The following MPRIP variants were observed in gnomAD, a reference collection of about 807,000 sequenced individuals.
MPRIP encodes the protein myosin phosphatase Rho interacting protein.
MPRIP carries 59 observed loss-of-function variants against 234.9 expected under a neutral mutation model. That is an observed-to-expected ratio of 0.25 (90% CI 0.20 to 0.31). The LOEUF (loss-of-function observed/expected upper bound fraction) is 0.31, where lower values mean the gene tolerates loss of function less well. MPRIP is among the 10% of genes least tolerant of loss of function. The pLI is 1.00. For missense variants in MPRIP, 2,436 were observed against 3,071.0 expected (o/e 0.79, Z 4.89); for synonymous variants, 1,144 against 1,263.9 (o/e 0.91, Z 2.01).
In MPRIP at chr17:17,154,354, C is replaced by CGGA. The variant is rs2045680243; in HGVS notation, c.1769_1771dup (p.Arg590dup). On this transcript the variant is annotated inframe_insertion, in exon 13 of 24. Transcript: ENST00000651222. ...GTCGGCCATGACATCTGGGATTCGG[C>CGGA]GGAACTGGATCCAGACCATCATGAA... 6.2e-7 allele frequency: 1 copy of CGGA among 1,614,048 alleles called. No individual in the cohort carries two copies. The highest frequency in any genetic ancestry group is 1.3e-5 in the African/African-American group (1 of 74,918).
At chr17:17,083,044 G>T (rs1478968868) in intron 3 of MPRIP, among the ~76,000 whole-genome samples, 1 of 152,242 alleles carries the variant, frequency 6.6e-6, no homozygotes, top group Admixed American at 6.5e-5. Context: ...TCTGTGGCAG[G>T]CATGGTGCTG....
intron 1 of MPRIP, chr17:17,057,718 G>C: frequency 1.4e-6 from 1 of 717,902 alleles, no homozygotes; most frequent in Admixed American, 2.0e-5. Flanking sequence ...ACAGGAAGAG[G>C]AATGGCATCA....
At chr17:17,066,479 T>A (rs1567691932) in intron 1 of MPRIP, among the ~76,000 whole-genome samples, 1 of 152,226 alleles carries the variant, frequency 6.6e-6, no homozygotes. Context: ...ATCCCTGGAA[T>A]AAACCCCCTT....
chr17:17,080,728 CAG>C (rs773636801), intron 3 of MPRIP, among the ~76,000 whole-genome samples: 1 of 152,200 alleles, frequency 6.6e-6, no homozygotes, highest in African/African-American at 2.4e-5. Flanking sequence ...GCAGTTTCGA[CAG>C]GGGTTTATTT....
At chr17:17,098,671 G>A (rs999862576) in intron 3 of MPRIP, among the ~76,000 whole-genome samples, 1 of 152,188 alleles carries the variant, frequency 6.6e-6, no homozygotes, top group African/African-American at 2.4e-5. Flanking sequence ...AGAGAAGCCA[G>A]GCCCTGCTGT....
chr17:17,105,781 G>A (rs2090051829), intron 3 of MPRIP, among the ~76,000 whole-genome samples: 1 of 152,210 alleles, frequency 6.6e-6, no homozygotes, highest in African/African-American at 2.4e-5. Context: ...TTACCAGCCT[G>A]GTGGCCTAGG....
chr17:17,185,599 C>T lies in MPRIP; in HGVS notation c.*705C>T, dbSNP rs942993193. On this transcript the variant is annotated 3_prime_UTR_variant, in exon 24 of 24. Coordinates refer to ENST00000651222, the MANE Select transcript of MPRIP (RefSeq NM_001364716.4). ...TCCTTCCTTCCTTCCTTCCTTCCTC[C>T]GCTCGTTCCTTTCTTGGTCTCCAGT... 6 of 456,228 alleles carry T rather than the reference C, an allele frequency of 1.3e-5. No homozygotes were observed. The highest frequency in any genetic ancestry group is 2.2e-5 in the Non-Finnish European group (5 of 226,872). The allele number at this position is 456,228 out of a possible 1,614,324, so 28.3% of individuals were successfully genotyped here. A position where few individuals can be genotyped will look rare whatever the true frequency, so the allele number is the denominator to read the frequency against.
intron 1 of MPRIP, among the ~76,000 whole-genome samples, chr17:17,053,581 A>G (rs763097713): frequency 3.9e-5 from 6 of 152,138 alleles, no homozygotes; most frequent in South Asian, 2.1e-4. Context: ...AATGTCCACC[A>G]TGGGCCAGGC....
chr17:17,058,185 C>T (rs1209904447), intron 1 of MPRIP, among the ~76,000 whole-genome samples: 1 of 152,170 alleles, frequency 6.6e-6, no homozygotes, highest in Non-Finnish European at 1.5e-5. Flanking sequence ...CTCCTCTCCA[C>T]AGGCTCAGGG....
chr17:17,061,647 G>A (rs1435157692), intron 1 of MPRIP, among the ~76,000 whole-genome samples: 1 of 152,174 alleles, frequency 6.6e-6, no homozygotes, highest in East Asian at 1.9e-4. Flanking sequence ...ACAGGTGTGG[G>A]TCCTTCTTCA....
intron 1 of MPRIP, among the ~76,000 whole-genome samples, chr17:17,073,485 T>A (rs911717306): frequency 1.3e-5 from 2 of 152,118 alleles, no homozygotes; most frequent in African/African-American, 4.8e-5. Flanking sequence ...TGTAGCTGAT[T>A]ATGTGATGAC....
At chr17:17,107,229 T>A (rs1458958405) in intron 3 of MPRIP, among the ~76,000 whole-genome samples, 12 of 152,236 alleles carry the variant, frequency 7.9e-5, no homozygotes, top group Admixed American at 7.8e-4. Flanking sequence ...GAATCAGTTC[T>A]GAGAACACCA....
rs748993550 is a variant in MPRIP at position 17,142,750 on chromosome 17, G to A, written c.1374G>A (p.Ala458=). ...GCCAGGGCCGCAGCGAGAAGAGGGC[G>A]TTCCCTAGGAAGCGGGTGAGCTCCT... The part of the protein sequence containing the change: ...DTRQGRSEKR[A]FPRKRDFTNE... Residue 458 remains alanine (A), a synonymous_variant, in exon 8 of 24, where the codon GCG becomes GCA. Coordinates refer to ENST00000651222, the MANE Select transcript of MPRIP (RefSeq NM_001364716.4). 61 of 1,612,408 alleles carry A rather than the reference G, an allele frequency of 3.8e-5. No individual in the cohort carries two copies. The highest frequency in any genetic ancestry group is 4.6e-5 in the Non-Finnish European group (54 of 1,179,862).
intron 13 of MPRIP, among the ~76,000 whole-genome samples, chr17:17,156,700 G>A (rs1210585798): frequency 6.6e-6 from 1 of 152,184 alleles, no homozygotes; most frequent in Non-Finnish European, 1.5e-5. Context: ...GGGCCAGGCT[G>A]GGGGCCTCCA....
Position 17,173,982 on chromosome 17 carries a change from G to A in MPRIP, c.6657G>A (p.Leu2219=). 1 of 1,613,790 alleles carries A rather than the reference G, an allele frequency of 6.2e-7. No homozygotes were observed. The highest frequency in any genetic ancestry group is 1.1e-5 in the South Asian group (1 of 91,088). Residue 2219 remains leucine, a synonymous_variant, in exon 19 of 24, where the codon CTG becomes CTA. Transcript: ENST00000651222. ...CGGAGCAGTACTCGCAGAAGTGCCT[G>A]GAGAATGCCCATCTGGCCCAGGCGC... ...VLSEQYSQKC[L]ENAHLAQALE...
At position 17,184,678 on chromosome 17, in the gene MPRIP, C is replaced by T. The variant is rs982145421; in HGVS notation, c.7207-145C>T. The T allele has an allele frequency of 4.8e-5, 27 of 564,130 alleles. No individual in the cohort carries two copies. The African/African-American group carries it at 5.0e-4, about 10-fold the overall frequency. 34.9% of individuals were successfully genotyped at this position (564,130 alleles called of 1,614,324 possible). A position where few individuals can be genotyped will look rare whatever the true frequency, so the allele number is the denominator to read the frequency against. Reference sequence around the variant, plus strand: ...AATAACAGCATTTCCCGGGGACTCTCCTCCTGGCATGCCCACTAACCGCAC... The same window carrying T: ...AATAACAGCATTTCCCGGGGACTCTTCTCCTGGCATGCCCACTAACCGCAC... On this transcript the variant is annotated intron_variant, in intron 23 of 23. Coordinates refer to ENST00000651222, the MANE Select transcript of MPRIP (RefSeq NM_001364716.4).
At chr17:17,149,544 C>G (rs1446562656) in intron 11 of MPRIP, among the ~76,000 whole-genome samples, 1 of 151,676 alleles carries the variant, frequency 6.6e-6, no homozygotes, top group Non-Finnish European at 1.5e-5. Context: ...AAACAAGAAT[C>G]CAGCTGTCCT....
rs2089534828 is a variant in MPRIP at position 17,084,314 on chromosome 17, G to A, written c.267+6238G>A. Among the ~76,000 whole-genome samples, 4 of 152,186 alleles carry A rather than the reference G, an allele frequency of 2.6e-5. No individual in the cohort carries two copies. The South Asian group carries it at 8.3e-4, about 32-fold the overall frequency. ...ATGTGTAGGCTCTTAAAGGCGGTGG[G>A]TGGTTGGGGAGGCAGAGAAGTCTTC... On this transcript the variant is annotated intron_variant, in intron 3 of 23. Transcript: ENST00000651222.
Position 17,185,314 on chromosome 17 carries a change from A to T in MPRIP, c.*420A>T. On this transcript the variant is annotated 3_prime_UTR_variant, in exon 24 of 24. Transcript: ENST00000651222. ...TAGATGGAATCCCCACTGGTCAGAG[A>T]AAAAGCTATGCGGACACTCCAGCTT... 2.8e-6 allele frequency: 1 copy of T among 354,128 alleles called. No individual in the cohort carries two copies. The highest frequency in any genetic ancestry group is 2.1e-5 in the South Asian group (1 of 46,868). The allele number at this position is 354,128 out of a possible 1,614,324, so 21.9% of individuals were successfully genotyped here.
Sources: gnomAD v4.1 joint callset for allele counts (sites outside exome capture counted in the v4.1 genomes callset) on GRCh38, gnomAD v4.1.1 for gene constraint, MANE v1.5 for transcripts, NCBI Gene and HGNC (gene_info 2026-07-23, HGNC 2026-07-21) for gene names.